Variants in GALNT13 observed in about 807,000 individuals in gnomAD.
GALNT13 encodes the protein polypeptide N-acetylgalactosaminyltransferase 13.
Under a neutral mutation model 64.2 loss-of-function variants are expected in GALNT13, and 28 were observed. That is an observed-to-expected ratio of 0.44 (90% CI 0.32 to 0.60). The LOEUF is 0.60. Ranked by LOEUF, GALNT13 falls within the 20% of genes least tolerant of loss-of-function variation. The pLI is 0.05. For missense variants in GALNT13, 577 were observed against 669.8 expected (o/e 0.86, Z 1.53); for synonymous variants, 214 against 224.6 (o/e 0.95, Z 0.42).
the GALNT13 span, among the ~76,000 whole-genome samples, chr2:153,758,091 C>G: frequency 1.3e-5 from 2 of 152,010 alleles, no homozygotes; most frequent in African/African-American, 4.8e-5. Context: ...TGTTCTTTTT[C>G]TCTTTTAGTA....
chr2:153,960,405 G>T (rs1037561617), intron 3 of GALNT13, among the ~76,000 whole-genome samples: 4 of 152,178 alleles, frequency 2.6e-5, no homozygotes, highest in Non-Finnish European at 4.4e-5. Flanking sequence ...AGAGGTAGAA[G>T]GAAACAGCTT....
At chr2:153,863,257 C>G in the GALNT13 span, among the ~76,000 whole-genome samples, 1 of 152,028 alleles carries the variant, frequency 6.6e-6, no homozygotes. Context: ...TGATGAAAAT[C>G]CAATATGATT....
chr2:154,336,378 G>A (rs781610941), intron 9 of GALNT13, among the ~76,000 whole-genome samples: 78 of 152,034 alleles, frequency 5.1e-4, no homozygotes, highest in Admixed American at 1.8e-3. Context: ...ATGCCCATCA[G>A]TGAGGACTAC....
chr2:153,913,616 G>A (rs558460967), intron 2 of GALNT13, among the ~76,000 whole-genome samples: 23 of 152,306 alleles, frequency 1.5e-4, no homozygotes, highest in African/African-American at 5.5e-4. Flanking sequence ...AGGGTCCATG[G>A]TGGTAGAGGG....
intron 11 of GALNT13, among the ~76,000 whole-genome samples, chr2:154,429,044 G>T (rs556806994): frequency 6.6e-6 from 1 of 151,906 alleles, no homozygotes; most frequent in African/African-American, 2.4e-5. Flanking sequence ...CCTATCTCTC[G>T]CTCCACAGAC....
At chr2:154,247,487 T>A (rs566704226) in intron 7 of GALNT13, among the ~76,000 whole-genome samples, 1 of 152,136 alleles carries the variant, frequency 6.6e-6, no homozygotes, top group South Asian at 2.1e-4. Flanking sequence ...AGAAGGCATG[T>A]TTATACTCAT....
intron 2 of GALNT13, among the ~76,000 whole-genome samples, chr2:153,930,171 T>G (rs1219389022): frequency 6.6e-6 from 1 of 152,178 alleles, no homozygotes; most frequent in South Asian, 2.1e-4. Flanking sequence ...TCATGTCTTT[T>G]GTCCACTTTT....
intron 3 of GALNT13, among the ~76,000 whole-genome samples, chr2:154,045,441 G>C (rs1699227765): frequency 6.6e-6 from 1 of 152,132 alleles, no homozygotes; most frequent in Non-Finnish European, 1.5e-5. Context: ...GCTCTTTATT[G>C]CCTGTATCCC....
At chr2:154,120,800 T>C (rs1021926192) in intron 3 of GALNT13, among the ~76,000 whole-genome samples, 2 of 152,194 alleles carry the variant, frequency 1.3e-5, no homozygotes, top group African/African-American at 4.8e-5. Flanking sequence ...TTAAGTGCAC[T>C]GAGAAGTTGA....
intron 4 of GALNT13, among the ~76,000 whole-genome samples, chr2:154,187,195 T>G (rs2105745190): frequency 6.6e-6 from 1 of 152,242 alleles, no homozygotes; most frequent in Middle Eastern, 3.4e-3. Flanking sequence ...CCTGGTGCTT[T>G]TTGTCAAACA....
the GALNT13 span, among the ~76,000 whole-genome samples, chr2:153,151,910 A>G: frequency 3.3e-5 from 5 of 152,018 alleles, no homozygotes; most frequent in Non-Finnish European, 5.9e-5. Context: ...CAGCACACCA[A>G]CATGGCACAT....
At chr2:154,221,327 T>C (rs1688311691) in intron 4 of GALNT13, among the ~76,000 whole-genome samples, 1 of 152,076 alleles carries the variant, frequency 6.6e-6, no homozygotes. Flanking sequence ...TAATAATTTT[T>C]AAAGTGAATG....
intron 3 of GALNT13, among the ~76,000 whole-genome samples, chr2:154,057,855 A>G (rs1314146356): frequency 6.6e-6 from 1 of 152,220 alleles, no homozygotes; most frequent in East Asian, 1.9e-4. Flanking sequence ...TTATTAGGGA[A>G]GGAAAAGTAC....
the GALNT13 span, among the ~76,000 whole-genome samples, chr2:153,650,624 A>T: frequency 6.6e-6 from 1 of 152,078 alleles, no homozygotes; most frequent in African/African-American, 2.4e-5. Context: ...TTCCATGTTT[A>T]GTGCTTCCTT....
At chr2:153,974,273 T>C (rs1421384294) in intron 3 of GALNT13, among the ~76,000 whole-genome samples, 1 of 152,158 alleles carries the variant, frequency 6.6e-6, no homozygotes, top group Non-Finnish European at 1.5e-5. Flanking sequence ...TAGCTTCAAA[T>C]ACTTTCCTAA....
intron 2 of GALNT13, among the ~76,000 whole-genome samples, chr2:153,917,387 A>C (rs1178755753): frequency 6.6e-6 from 1 of 152,100 alleles, no homozygotes; most frequent in Non-Finnish European, 1.5e-5. Flanking sequence ...AACCCCCAAT[A>C]ACTTCCCTTT....
chr2:153,372,655 A>C, the GALNT13 span, among the ~76,000 whole-genome samples: 1 of 151,884 alleles, frequency 6.6e-6, no homozygotes, highest in Admixed American at 6.6e-5. Flanking sequence ...AAAAAAAAAA[A>C]AAGAAAGAAG....
At chr2:153,996,768 C>G (rs376435810) in intron 3 of GALNT13, among the ~76,000 whole-genome samples, 1 of 151,964 alleles carries the variant, frequency 6.6e-6, no homozygotes. Context: ...GAAGTGTTTC[C>G]CCTATGCTTT....
the GALNT13 span, among the ~76,000 whole-genome samples, chr2:153,747,422 G>GTTTTTTT: frequency 6.3e-4 from 59 of 93,750 alleles, 7 homozygotes; most frequent in African/African-American, 2.8e-3. Context: ...AGTGCCTTTG[G>GTTTTTTT]TTTTTTTTTT....
Sources: gnomAD v4.1 joint callset for allele counts (sites outside exome capture counted in the v4.1 genomes callset) on GRCh38, gnomAD v4.1.1 for gene constraint, MANE v1.5 for transcripts, NCBI Gene and HGNC (gene_info 2026-07-23, HGNC 2026-07-21) for gene names.